FAP: variants seen among roughly 807,000 people sequenced by gnomAD.
The protein encoded by FAP is prolyl endopeptidase FAP.
In FAP, 110 loss-of-function variants were observed where a neutral mutation model predicts 126.5. The observed-to-expected ratio is 0.87, with a 90% CI of 0.74 to 1.02. FAP has a LOEUF of 1.02. Ranked by LOEUF, FAP falls within the 50% of genes least tolerant of loss-of-function variation. The pLI is 0.00. For missense variants in FAP, 919 were observed against 909.2 expected (o/e 1.01, Z -0.14); for synonymous variants, 334 against 297.3 (o/e 1.12, Z -1.27).
At chr2:162,173,676 G>A (rs750432861) in intron 23 of FAP, 47 bp downstream of exon 23, 2 of 1,227,766 alleles carry the variant, frequency 1.6e-6, no homozygotes, top group Non-Finnish European at 2.4e-6. Context: ...AAGTTATTTA[G>A]CATATTAGAA....
rs1445724535 is a variant in FAP, at chr2:162,214,171, T to G, written c.867-98A>C. The G allele has an allele frequency of 2.9e-6, 3 of 1,045,924 alleles. No homozygotes were observed. The African/African-American group carries it at 4.8e-5, about 17-fold the overall frequency. 64.8% of individuals were successfully genotyped at this position (1,045,924 alleles called of 1,614,324 possible). A position where few individuals can be genotyped will look rare whatever the true frequency, so the allele number is the denominator to read the frequency against. On this transcript the variant is annotated intron_variant, in intron 10 of 25. Transcript: ENST00000188790. ...TTTTCTAAAGGATATATGTCATTATTATACATTACTTATTTAATAGGTAAG... is the reference window on the plus strand; with the variant it reads ...TTTTCTAAAGGATATATGTCATTATGATACATTACTTATTTAATAGGTAAG...
rs1011392373 is a variant in FAP, at chr2:162,198,103, C to T, written c.1402+654G>A. The T allele has an allele frequency of 1.8e-5, 19 of 1,054,334 alleles. No individual in the cohort carries two copies. The East Asian group carries it at 2.4e-4, about 13-fold the overall frequency. The allele number at this position is 1,054,334 out of a possible 1,614,324, so 65.3% of individuals were successfully genotyped here. Reference sequence around the variant, plus strand: ...GGGTAGAAATTATTCATTAAATGTACGTATGTCCTAAACAACCAGGAAATG... The same window carrying T: ...GGGTAGAAATTATTCATTAAATGTATGTATGTCCTAAACAACCAGGAAATG... On this transcript the variant is annotated intron_variant, in intron 16 of 25. Transcript: ENST00000188790.
chr2:162,204,552 G>A lies in FAP; in HGVS notation c.1048-1407C>T, dbSNP rs140847507. On this transcript the variant is annotated intron_variant, in intron 12 of 25. Coordinates refer to ENST00000188790, the MANE Select transcript of FAP (RefSeq NM_004460.5). ...GGAAGAAGACTATGTGAAGACAGAA[G>A]CAGGGATTAAAGTGATACGGCTGTT... 4.3e-4 allele frequency among the ~76,000 whole-genome samples: 65 copies of A among 152,312 alleles called. No homozygotes were observed. The East Asian group carries it at 6.9e-3, about 16-fold the overall frequency.
At chr2:162,214,228 A>G (rs1202103940) in intron 10 of FAP, among the ~76,000 whole-genome samples, 155 bp from the exon 11 acceptor site, 1 of 152,200 alleles carries the variant, frequency 6.6e-6, no homozygotes, top group Non-Finnish European at 1.5e-5. Context: ...CTGGAGAGAA[A>G]GTTTAAATAT....
chr2:162,241,137 A>G (rs1213535984), intron 2 of FAP, among the ~76,000 whole-genome samples: 6 of 152,182 alleles, frequency 3.9e-5, no homozygotes, highest in Non-Finnish European at 8.8e-5. Context: ...TTCTCACCTT[A>G]TTTATGATTT....
chr2:162,205,454 C>T (rs1163036739), intron 12 of FAP, among the ~76,000 whole-genome samples: 2 of 151,940 alleles, frequency 1.3e-5, no homozygotes, highest in African/African-American at 4.8e-5. Context: ...GAAGTTTCAC[C>T]CTCTTAGCTA....
Position 162,196,362 on chromosome 2 carries a change from A to T in FAP, c.1403-1614T>A, listed in dbSNP as rs76904237. Among the ~76,000 whole-genome samples the T allele has an allele frequency of 3.6e-3, 542 of 152,262 alleles. 3 individuals are homozygous for T. The highest frequency in any genetic ancestry group is 0.012 in the African/African-American group (513 of 41,560). On this transcript the variant is annotated intron_variant, in intron 16 of 25. Transcript: ENST00000188790. ...AGATTTTCATTTTGGCCAGTTTTTC[A>T]TCAAAGTTATGAAAAAGGACAAATA...
intron 2 of FAP, among the ~76,000 whole-genome samples, chr2:162,230,327 G>T (rs1689847780): frequency 6.6e-6 from 1 of 151,554 alleles, no homozygotes; most frequent in Non-Finnish European, 1.5e-5. Context: ...TGTACATATG[G>T]GTTTTTGTTT....
chr2:162,200,532 C>T (rs571482304), intron 15 of FAP, 34 bp downstream of exon 15: 34 of 1,218,760 alleles, frequency 2.8e-5, no homozygotes, highest in Non-Finnish European at 3.7e-5. Flanking sequence ...AATATCAACA[C>T]ATAGAAATAC....
At chr2:162,177,941 A>T (rs1349853757) in intron 21 of FAP, among the ~76,000 whole-genome samples, 1 of 152,222 alleles carries the variant, frequency 6.6e-6, no homozygotes, top group African/African-American at 2.4e-5. Flanking sequence ...TGAGGCTCAG[A>T]GTAAACTTAT....
intron 9 of FAP, among the ~76,000 whole-genome samples, chr2:162,217,760 T>C (rs574665430): frequency 6.6e-6 from 1 of 152,322 alleles, no homozygotes; most frequent in African/African-American, 2.4e-5. Flanking sequence ...CATATGTTTT[T>C]CAAAGATTCT....
intron 2 of FAP, among the ~76,000 whole-genome samples, chr2:162,233,699 C>T (rs779819991): frequency 2.6e-5 from 4 of 151,942 alleles, no homozygotes; most frequent in Non-Finnish European, 4.4e-5. Context: ...GTATTCTTGG[C>T]CACCCTAAAA....
chr2:162,209,667 T>C (rs1472291084), intron 12 of FAP: 4 of 337,918 alleles, frequency 1.2e-5, no homozygotes, highest in African/African-American at 4.2e-5. Context: ...ATCTATATTG[T>C]ATTTGTTTAA....
At chr2:162,235,704 C>G (rs1021554259) in intron 2 of FAP, among the ~76,000 whole-genome samples, 7 of 152,180 alleles carry the variant, frequency 4.6e-5, no homozygotes. Flanking sequence ...ATAAAGCAGG[C>G]TGCCTGAGCC....
chr2:162,236,923 G>T (rs908562116), intron 2 of FAP, among the ~76,000 whole-genome samples: 3 of 152,062 alleles, frequency 2.0e-5, no homozygotes, highest in Non-Finnish European at 4.4e-5. Flanking sequence ...ACATACAATT[G>T]TTATATCCTG....
intron 10 of FAP, among the ~76,000 whole-genome samples, chr2:162,215,563 T>A (rs906402034): frequency 3.9e-5 from 6 of 152,172 alleles, no homozygotes; most frequent in African/African-American, 1.4e-4. Flanking sequence ...TCCACATAGA[T>A]CCACAAACCC....
At chr2:162,193,001 C>T (rs1688109000) in intron 17 of FAP, among the ~76,000 whole-genome samples, 1 of 152,070 alleles carries the variant, frequency 6.6e-6, no homozygotes. Context: ...TGTTCATATT[C>T]CCCACTCATC....
At chr2:162,239,456 G>C (rs967260799) in intron 2 of FAP, among the ~76,000 whole-genome samples, 2 of 151,798 alleles carry the variant, frequency 1.3e-5, no homozygotes, top group Non-Finnish European at 2.9e-5. Context: ...TGTTCTGTAT[G>C]AGTGCTTCAG....
rs766385738 is a variant in FAP at position 162,219,140 on chromosome 2, C to T, written c.530G>A (p.Gly177Glu). The change falls in exon 8 of 26, where the codon GGA (glycine) becomes GAA (glutamate). Residue 177 changes from glycine to glutamate, a missense_variant. By Grantham distance (98) the Gly-to-Glu change is moderately conservative. Transcript: ENST00000188790. ...QNNIYLKQRP[G>E]DPPFQITFNG... ...AAATGTTATTTGAAAAGGTGGATCT[C>T]CTGGTCTTTGTTTCAAATAGATATT... The T allele has an allele frequency of 2.5e-6, 4 of 1,607,426 alleles. No homozygotes were observed. Among genetic ancestry groups the T allele is most frequent in the Non-Finnish European group, 2.6e-6 (3 of 1,176,194 alleles).
Sources: allele counts gnomAD v4.1 joint callset (sites outside exome capture counted in the v4.1 genomes callset), GRCh38; gene constraint gnomAD v4.1.1; transcripts MANE v1.5; gene names NCBI Gene and HGNC (gene_info 2026-07-23, HGNC 2026-07-21).